Variants in MGAT4C observed in about 807,000 individuals in gnomAD.
MGAT4C encodes MGAT4 family member C.
MGAT4C carries 19 observed loss-of-function variants against 40.1 expected under a neutral mutation model. The observed-to-expected ratio is 0.47, with a 90% CI of 0.33 to 0.70. The LOEUF is 0.70. Ranked by LOEUF, MGAT4C falls within the 30% of genes least tolerant of loss-of-function variation. The pLI is 0.02. For missense variants in MGAT4C, 491 were observed against 563.2 expected (o/e 0.87, Z 1.30); for synonymous variants, 181 against 187.1 (o/e 0.97, Z 0.27).
intron 2 of MGAT4C, among the ~76,000 whole-genome samples, chr12:86,485,256 A>G (rs1958001082): frequency 6.6e-6 from 1 of 152,214 alleles, no homozygotes; most frequent in Non-Finnish European, 1.5e-5. Flanking sequence ...AATGACAGAC[A>G]GATAATTCAG....
intron 4 of MGAT4C, among the ~76,000 whole-genome samples, chr12:86,274,228 T>A (rs1359716409): frequency 2.6e-5 from 4 of 152,150 alleles, no homozygotes; most frequent in African/African-American, 4.8e-5. Context: ...TTAATGAGAA[T>A]CACCTCCAAG....
At chr12:86,605,549 G>A (rs1010292737) in intron 2 of MGAT4C, among the ~76,000 whole-genome samples, 2 of 151,890 alleles carry the variant, frequency 1.3e-5, no homozygotes, top group Non-Finnish European at 2.9e-5. Flanking sequence ...ACTAACTCTC[G>A]ATTTTCCATT....
At chr12:86,568,909 G>T (rs1355124031) in intron 2 of MGAT4C, among the ~76,000 whole-genome samples, 1 of 151,726 alleles carries the variant, frequency 6.6e-6, no homozygotes, top group African/African-American at 2.4e-5. Flanking sequence ...CAACTCCTCA[G>T]CTTATACAAA....
chr12:86,394,314 G>A (rs567434261), intron 3 of MGAT4C, among the ~76,000 whole-genome samples: 1 of 151,834 alleles, frequency 6.6e-6, no homozygotes, highest in East Asian at 1.9e-4. Context: ...AAAATTGGTT[G>A]TTGAAAATAA....
At chr12:86,607,280 T>C (rs1962075513) in intron 2 of MGAT4C, among the ~76,000 whole-genome samples, 1 of 152,070 alleles carries the variant, frequency 6.6e-6, no homozygotes, top group African/African-American at 2.4e-5. Context: ...TATTAACTTA[T>C]TAATACTAAT....
chr12:86,668,710 T>A (rs905922608), intron 2 of MGAT4C, among the ~76,000 whole-genome samples: 6 of 152,220 alleles, frequency 3.9e-5, no homozygotes, highest in Admixed American at 3.9e-4. Context: ...GCCTCAGCAG[T>A]AGATGGTGGA....
chr12:86,213,283 G>A (rs1030231905), intron 1 of MGAT4C, among the ~76,000 whole-genome samples: 19 of 152,224 alleles, frequency 1.2e-4, no homozygotes, highest in Admixed American at 2.6e-4. Flanking sequence ...GTGAATCTGA[G>A]ACCTAATGCT....
intron 1 of MGAT4C, among the ~76,000 whole-genome samples, chr12:86,178,772 A>G (rs951165673): frequency 4.6e-5 from 7 of 152,140 alleles, no homozygotes; most frequent in Non-Finnish European, 8.8e-5. Flanking sequence ...TCATTTCATT[A>G]TCAGTCATGT....
chr12:85,997,236 C>T (rs1459943609), intron 2 of MGAT4C, among the ~76,000 whole-genome samples: 7 of 152,164 alleles, frequency 4.6e-5, no homozygotes, highest in Non-Finnish European at 7.3e-5. Flanking sequence ...ATCGTGAGAA[C>T]AGCACAAGAA....
chr12:86,523,766 C>A (rs1958834816), intron 2 of MGAT4C, among the ~76,000 whole-genome samples: 1 of 152,282 alleles, frequency 6.6e-6, no homozygotes, highest in Admixed American at 6.5e-5. Context: ...AACATAGGTG[C>A]TACTGTGTTG....
At chr12:86,383,532 A>G (rs1394536079) in intron 3 of MGAT4C, among the ~76,000 whole-genome samples, 2 of 124,936 alleles carry the variant, frequency 1.6e-5, no homozygotes, top group African/African-American at 5.9e-5. Flanking sequence ...GACTGGTGAC[A>G]GAGCGACACT....
At chr12:86,659,519 G>A (rs139943358) in intron 2 of MGAT4C, among the ~76,000 whole-genome samples, 3 of 152,152 alleles carry the variant, frequency 2.0e-5, no homozygotes, top group Non-Finnish European at 1.5e-5. Flanking sequence ...AATTCGAACA[G>A]GGCAAGTTTA....
At chr12:86,642,903 C>T (rs1006208092) in intron 2 of MGAT4C, among the ~76,000 whole-genome samples, 1 of 151,294 alleles carries the variant, frequency 6.6e-6, no homozygotes, top group Admixed American at 6.6e-5. Flanking sequence ...AAAATGAAAC[C>T]TTCGTACATG....
chr12:86,184,371 G>A (rs1328794093), intron 1 of MGAT4C, among the ~76,000 whole-genome samples: 16 of 144,998 alleles, frequency 1.1e-4, no homozygotes, highest in African/African-American at 4.1e-4. Flanking sequence ...GTGAGACTCC[G>A]TTTAAAAAAA....
At chr12:86,096,775 C>T (rs839091) in intron 1 of MGAT4C, among the ~76,000 whole-genome samples, 120,953 of 151,174 alleles carry the variant, frequency 0.8, 49,062 homozygotes, top group East Asian at 0.97. Context: ...CATAACAATA[C>T]GACTAAAATC....
chr12:86,274,068 T>A (rs1186870333), intron 4 of MGAT4C, among the ~76,000 whole-genome samples: 1 of 151,998 alleles, frequency 6.6e-6, no homozygotes. Flanking sequence ...ATTTGTAAGC[T>A]CCCCTAAGAG....
chr12:86,332,384 T>C (rs1199942851), intron 4 of MGAT4C, among the ~76,000 whole-genome samples: 2 of 151,820 alleles, frequency 1.3e-5, no homozygotes, highest in African/African-American at 4.8e-5. Flanking sequence ...AAGAACGGAT[T>C]TTTTTTTCTT....
In MGAT4C at chr12:86,553,686, C is replaced by A. The variant is rs11103989; in HGVS notation, c.-228-118421G>T. Among the ~76,000 whole-genome samples the A allele has an allele frequency of 5.1e-3, 772 of 152,184 alleles. 3 individuals carry two copies. Among genetic ancestry groups the A allele is most frequent in the Non-Finnish European group, 8.3e-3 (566 of 67,952 alleles). On this transcript the variant is annotated intron_variant, in intron 2 of 7. Transcript: ENST00000548651. ...TTGAACACATGACTACACGTTTTTT[C>A]TCTTCCCATATAGCACAAAGACTTT...
At chr12:86,575,394 C>T (rs1593002523) in intron 2 of MGAT4C, among the ~76,000 whole-genome samples, 1 of 151,692 alleles carries the variant, frequency 6.6e-6, no homozygotes, top group Non-Finnish European at 1.5e-5. Context: ...GGTAACTATC[C>T]TTCTGCTTTC....
Sources: gnomAD v4.1 joint callset for allele counts (sites outside exome capture counted in the v4.1 genomes callset) on GRCh38, gnomAD v4.1.1 for gene constraint, MANE v1.5 for transcripts, NCBI Gene and HGNC (gene_info 2026-07-23, HGNC 2026-07-21) for gene names.